Variants in TRAPPC9 observed in about 807,000 individuals in gnomAD.
The protein encoded by TRAPPC9 is IKK2 binding protein.
Under a neutral mutation model 124.0 loss-of-function variants are expected in TRAPPC9, and 83 were observed. The ratio of observed to expected loss-of-function variants is 0.67; its 90% CI spans 0.56 to 0.80. The LOEUF is 0.80. TRAPPC9 is among the 30% of genes least tolerant of loss of function. The pLI, the probability that TRAPPC9 is intolerant of heterozygous loss-of-function variation, is 0.00. For synonymous variants in TRAPPC9, 638 were observed against 617.5 expected (o/e 1.03, Z -0.49); for missense variants, 1,302 against 1,508.3 (o/e 0.86, Z 2.27).
intron 21 of TRAPPC9, among the ~76,000 whole-genome samples, chr8:139,828,224 T>C (rs1329001981): frequency 6.6e-6 from 1 of 152,172 alleles, no homozygotes; most frequent in Non-Finnish European, 1.5e-5. Flanking sequence ...ATGACGCCTG[T>C]CTGCTGAGGG....
intron 14 of TRAPPC9, 33 bp from the exon 15 acceptor site, chr8:140,275,854 G>A: frequency 6.4e-7 from 1 of 1,571,648 alleles, no homozygotes; most frequent in Non-Finnish European, 8.7e-7. Flanking sequence ...AAAGAAGAAA[G>A]AAGGAAGAAG....
chr8:139,856,889 A>C (rs1055874035), intron 21 of TRAPPC9, among the ~76,000 whole-genome samples: 1 of 152,178 alleles, frequency 6.6e-6, no homozygotes, highest in Non-Finnish European at 1.5e-5. Context: ...GTTTCATTCA[A>C]GTATTCTCTA....
intron 7 of TRAPPC9, among the ~76,000 whole-genome samples, chr8:140,375,668 T>A (rs2068417282): frequency 6.6e-6 from 1 of 152,212 alleles, no homozygotes; most frequent in African/African-American, 2.4e-5. Context: ...CCTAAAACTC[T>A]CAGTGAGTGT....
intron 2 of TRAPPC9, among the ~76,000 whole-genome samples, chr8:140,442,415 C>T (rs998738580): frequency 7.3e-5 from 11 of 150,814 alleles, no homozygotes; most frequent in East Asian, 2.0e-4. Flanking sequence ...CTGGCTAACA[C>T]GGCAAAACCC....
At chr8:139,985,661 T>A (rs111858481) in intron 19 of TRAPPC9, among the ~76,000 whole-genome samples, 99 of 152,234 alleles carry the variant, frequency 6.5e-4, no homozygotes, top group African/African-American at 2.3e-3. Flanking sequence ...CCCCAAGCCA[T>A]TGAATCTCTA....
At chr8:139,913,378 C>T (rs566228491) in intron 19 of TRAPPC9, among the ~76,000 whole-genome samples, 6 of 152,352 alleles carry the variant, frequency 3.9e-5, no homozygotes, top group African/African-American at 1.4e-4. Flanking sequence ...ACAGGCTGCA[C>T]CTCTGGGTGC....
intron 21 of TRAPPC9, among the ~76,000 whole-genome samples, chr8:139,871,307 A>T (rs967167446): frequency 2.0e-5 from 3 of 152,138 alleles, no homozygotes; most frequent in Non-Finnish European, 4.4e-5. Context: ...CTCTTGGCTT[A>T]TTAGGATTAA....
chr8:139,992,919 G>C (rs1318481963), intron 18 of TRAPPC9, among the ~76,000 whole-genome samples: 1 of 151,940 alleles, frequency 6.6e-6, no homozygotes. Flanking sequence ...AGAATGAATA[G>C]CTAAATATAG....
chr8:140,136,907 G>C (rs1338174686), intron 17 of TRAPPC9, among the ~76,000 whole-genome samples: 1 of 152,164 alleles, frequency 6.6e-6, no homozygotes, highest in African/African-American at 2.4e-5. Flanking sequence ...AGGAAGGCCT[G>C]ATTCCAAAGC....
intron 9 of TRAPPC9, among the ~76,000 whole-genome samples, chr8:140,355,707 A>C (rs1358052553): frequency 6.6e-6 from 1 of 152,218 alleles, no homozygotes; most frequent in African/African-American, 2.4e-5. Context: ...TGAGGGAGAC[A>C]AGCAGTCTAA....
At chr8:140,152,556 G>C (rs2061563633) in intron 17 of TRAPPC9, among the ~76,000 whole-genome samples, 1 of 150,974 alleles carries the variant, frequency 6.6e-6, no homozygotes, top group South Asian at 2.1e-4. Context: ...TTTTAGTAGA[G>C]ACGGGGTTTC....
chr8:140,221,755 A>G (rs1335851881), intron 16 of TRAPPC9, among the ~76,000 whole-genome samples, 172 bp from the exon 17 acceptor site: 6 of 152,136 alleles, frequency 3.9e-5, no homozygotes, highest in Non-Finnish European at 8.8e-5. Context: ...CTCCCACCTC[A>G]GCCTCCCTAG....
chr8:139,857,159 G>C (rs546566123), intron 21 of TRAPPC9, among the ~76,000 whole-genome samples: 1 of 152,162 alleles, frequency 6.6e-6, no homozygotes, highest in South Asian at 2.1e-4. Context: ...ATGGTTTCCA[G>C]CAAGTGCACA....
chr8:140,038,224 C>T (rs1182988436), intron 17 of TRAPPC9, among the ~76,000 whole-genome samples: 1 of 152,096 alleles, frequency 6.6e-6, no homozygotes, highest in Non-Finnish European at 1.5e-5. Flanking sequence ...GCTGATTCGC[C>T]GCAGTGCCTG....
In TRAPPC9 at chr8:139,853,035, G is replaced by A. The variant is rs117279780; in HGVS notation, c.3055+32844C>T. Among the ~76,000 whole-genome samples the A allele has an allele frequency of 1.2e-4, 18 of 152,292 alleles. No individual in the cohort carries two copies. The East Asian group carries it at 2.5e-3, about 21-fold the overall frequency. ...AAAGGTTCTTTGTATCTTCTTTCCC[G>A]TGAGTCTAGGCTTCCCAAGAAGTGT... On this transcript the variant is annotated intron_variant, in intron 21 of 22. Transcript: ENST00000438773.
chr8:140,444,035 CAAAAAAAAAAAAA>C (rs35121401), intron 2 of TRAPPC9, among the ~76,000 whole-genome samples: 2 of 40,912 alleles, frequency 4.9e-5, no homozygotes, highest in Non-Finnish European at 8.3e-5. Flanking sequence ...GACTCCATCT[CAAAAAAAAAAAAA>C]AAAAAAAAAA....
intron 15 of TRAPPC9, among the ~76,000 whole-genome samples, chr8:140,273,532 G>A (rs2065023293): frequency 6.6e-6 from 1 of 152,164 alleles, no homozygotes; most frequent in Non-Finnish European, 1.5e-5. Context: ...TTCACACACA[G>A]GTTGTGTGAT....
In TRAPPC9 at chr8:139,823,216, C is replaced by T. The variant is rs190104760; in HGVS notation, c.3055+62663G>A. Among the ~76,000 whole-genome samples the T allele has an allele frequency of 1.2e-3, 188 of 152,218 alleles. No homozygotes were observed. In the South Asian group the frequency reaches 0.017, roughly 14 times the overall value. On this transcript the variant is annotated intron_variant, in intron 21 of 22. Coordinates refer to ENST00000438773, the MANE Select transcript of TRAPPC9 (RefSeq NM_001160372.4). ...CCAGTGCCCAGTCACCCCAGAGGCG[C>T]GAGGTGGGAGGAGCTTTGATTGTCA...
At chr8:139,815,686 G>T (rs150664603) in intron 21 of TRAPPC9, among the ~76,000 whole-genome samples, 1 of 152,108 alleles carries the variant, frequency 6.6e-6, no homozygotes, top group Admixed American at 6.5e-5. Flanking sequence ...CACAGCGCCC[G>T]GCAAGCACTC....
Sources: gnomAD v4.1 joint callset for allele counts (sites outside exome capture counted in the v4.1 genomes callset) on GRCh38, gnomAD v4.1.1 for gene constraint, MANE v1.5 for transcripts, NCBI Gene and HGNC (gene_info 2026-07-23, HGNC 2026-07-21) for gene names.